The following FAM20C variants were observed in gnomAD, a reference collection of about 807,000 sequenced individuals.
FAM20C encodes extracellular serine/threonine protein kinase FAM20C.
A neutral mutation model predicts 51.5 loss-of-function variants in FAM20C; 40 were observed. The ratio of observed to expected loss-of-function variants is 0.78; its 90% CI spans 0.60 to 1.01. The LOEUF is 1.01. Ranked by LOEUF, FAM20C falls within the 50% of genes least tolerant of loss-of-function variation. FAM20C has a pLI of 0.00. For synonymous variants in FAM20C, 406 were observed against 380.6 expected (o/e 1.07, Z -0.78); for missense variants, 861 against 844.7 (o/e 1.02, Z -0.24).
chr7:218,645 C>T (rs1787112958), intron 3 of FAM20C, among the ~76,000 whole-genome samples: 1 of 152,230 alleles, frequency 6.6e-6, no homozygotes, highest in Non-Finnish European at 1.5e-5. Flanking sequence ...ACCACGTGGC[C>T]CAGCCGAGGA....
intron 5 of FAM20C, among the ~76,000 whole-genome samples, chr7:252,812 G>A (rs1166484461): frequency 6.6e-6 from 1 of 152,232 alleles, no homozygotes; most frequent in East Asian, 1.9e-4. Context: ...GTAGGGGCCG[G>A]GCCGCAGTCA....
At chr7:209,244 T>C (rs1447285407) in intron 3 of FAM20C, among the ~76,000 whole-genome samples, 1 of 152,192 alleles carries the variant, frequency 6.6e-6, no homozygotes, top group African/African-American at 2.4e-5. Context: ...TAAGCATTTG[T>C]ATTTTAAACA....
chr7:227,553 T>G (rs1377946155), intron 3 of FAM20C: 1 of 123,204 alleles, frequency 8.1e-6, no homozygotes. Flanking sequence ...AATCCTGGTT[T>G]AGTAGTTAGT....
At chr7:197,930 C>T (rs751044434) in intron 2 of FAM20C, among the ~76,000 whole-genome samples, 46 of 152,204 alleles carry the variant, frequency 3.0e-4, no homozygotes, top group Non-Finnish European at 6.2e-4. Flanking sequence ...GTCCAGCTGT[C>T]CCGGGGCAGT....
Position 226,305 on chromosome 7 carries a change from C to T in FAM20C, c.863+17329C>T, listed in dbSNP as rs185030586. On this transcript the variant is annotated intron_variant, in intron 3 of 9. Coordinates refer to ENST00000313766, the MANE Select transcript of FAM20C (RefSeq NM_020223.4). Reference sequence around the variant, plus strand: ...AGCTGTCTGAGTCCCTGGAGAAGACCGGCTAGGAGGGGCCCTGGAGGGTCA... The same window carrying T: ...AGCTGTCTGAGTCCCTGGAGAAGACTGGCTAGGAGGGGCCCTGGAGGGTCA... 6.0e-3 allele frequency among the ~76,000 whole-genome samples: 894 copies of T among 150,134 alleles called. 10 individuals are homozygous for T. Among genetic ancestry groups the T allele is most frequent in the African/African-American group, 0.021 (828 of 39,574 alleles).
At chr7:200,338 G>A (rs566142887) in intron 2 of FAM20C, among the ~76,000 whole-genome samples, 1 of 152,352 alleles carries the variant, frequency 6.6e-6, no homozygotes, top group Admixed American at 6.5e-5. Flanking sequence ...TGGCCCCAGG[G>A]CTGGGGGACC....
Position 193,370 on chromosome 7 carries a change from G to A in FAM20C, c.171G>A (p.Ala57=). 7.9e-7 allele frequency: 1 copy of A among 1,267,026 alleles called. No homozygotes were observed. Among genetic ancestry groups the A allele is most frequent in the African/African-American group, 1.6e-5 (1 of 63,222 alleles). 78.5% of individuals were successfully genotyped at this position (1,267,026 alleles called of 1,614,324 possible). A position where few individuals can be genotyped will look rare whatever the true frequency, so the allele number is the denominator to read the frequency against. Residue 57 remains alanine, a synonymous_variant, in exon 1 of 10, where the codon GCG becomes GCA. Coordinates refer to ENST00000313766, the MANE Select transcript of FAM20C (RefSeq NM_020223.4). Reference sequence around the variant, plus strand: ...CGCAGCCCGCCGCCGAGGTGGCCGCGCCCGGCTGGGCCCAGGTTCGGGGCC... The same window carrying A: ...CGCAGCCCGCCGCCGAGGTGGCCGCACCCGGCTGGGCCCAGGTTCGGGGCC... ...SCAQPAAEVA[A]PGWAQVRGRP...
chr7:236,146 G>T (rs1337780748), intron 3 of FAM20C, among the ~76,000 whole-genome samples: 1 of 151,776 alleles, frequency 6.6e-6, no homozygotes, highest in Non-Finnish European at 1.5e-5. Flanking sequence ...CCTTTTTCCC[G>T]GGGGCTGAAT....
chr7:219,119 C>T (rs1329774952), intron 3 of FAM20C, among the ~76,000 whole-genome samples: 1 of 152,168 alleles, frequency 6.6e-6, no homozygotes, highest in East Asian at 1.9e-4. Flanking sequence ...TGTTTGGAGG[C>T]ACGGTTGCCT....
chr7:217,193 C>T (rs905283069), intron 3 of FAM20C, among the ~76,000 whole-genome samples: 2 of 152,150 alleles, frequency 1.3e-5, no homozygotes, highest in East Asian at 1.9e-4. Context: ...GCTGACCCCC[C>T]GAGGCCTGTG....
rs1788747142 is a variant in FAM20C, at chr7:258,711, GCC to G, written c.1505+9_1505+10del. The G allele has an allele frequency of 1.3e-6, 2 of 1,534,414 alleles. No homozygotes were observed. Among genetic ancestry groups the G allele is most frequent in the Non-Finnish European group, 1.7e-6 (2 of 1,145,200 alleles). ...CCGCTACAGCAGTGCTGCAGGTACA[GCC>G]CCTGCCGGAGCCGGCTCCAGCTCCA... On this transcript the variant is annotated splice_region_variant and intron_variant, in intron 9 of 9. Transcript: ENST00000313766.
intron 3 of FAM20C, among the ~76,000 whole-genome samples, chr7:223,928 G>C: frequency 6.6e-6 from 1 of 152,174 alleles, no homozygotes; most frequent in East Asian, 1.9e-4. Context: ...CCCCTGAGGG[G>C]CACCTGGGAC....
At chr7:213,814 C>T (rs978212908) in intron 3 of FAM20C, among the ~76,000 whole-genome samples, 3 of 152,042 alleles carry the variant, frequency 2.0e-5, no homozygotes, top group Non-Finnish European at 2.9e-5. Context: ...TCCACCTCCT[C>T]GTCAGCGTGT....
chr7:245,693 C>T (rs1162310491), intron 3 of FAM20C, among the ~76,000 whole-genome samples: 1 of 152,244 alleles, frequency 6.6e-6, no homozygotes, highest in African/African-American at 2.4e-5. Flanking sequence ...CAAACACTTG[C>T]GTGGACCGGC....
intron 2 of FAM20C, among the ~76,000 whole-genome samples, chr7:208,058 A>G (rs569674197): frequency 3.6e-4 from 55 of 152,308 alleles, no homozygotes; most frequent in Non-Finnish European, 7.2e-4. Context: ...GTCTCCCCAA[A>G]GTCACCCTGC....
intron 3 of FAM20C, among the ~76,000 whole-genome samples, chr7:222,921 T>C (rs1021546463): frequency 2.6e-5 from 4 of 152,058 alleles, no homozygotes; most frequent in African/African-American, 9.7e-5. Context: ...TGTGCATGTG[T>C]GGGTGTGTGT....
At chr7:257,131 C>T (rs1418192124) in intron 8 of FAM20C, 45 bp downstream of exon 8, 2 of 1,519,060 alleles carry the variant, frequency 1.3e-6, no homozygotes, top group Admixed American at 2.0e-5. Flanking sequence ...GGGCCGGCCA[C>T]CTCCCAGCTA....
rs372252299 is a variant in FAM20C, at chr7:196,193, G to A, written c.784+461G>A. ...TCTTGTGGTTTTGAAGCCGTCCTTC[G>A]TCAGACCTCAGCAAGGCGCTGTGCA... is the stretch of plus-strand genomic sequence containing the variant. On this transcript the variant is annotated intron_variant, in intron 2 of 9. Transcript: ENST00000313766. Among the ~76,000 whole-genome samples the A allele has an allele frequency of 1.2e-4, 18 of 152,208 alleles. No homozygotes were observed. In the East Asian group the frequency reaches 2.3e-3, roughly 20 times the overall value.
At chr7:198,748 G>C (rs1340502771) in intron 2 of FAM20C, among the ~76,000 whole-genome samples, 1 of 152,198 alleles carries the variant, frequency 6.6e-6, no homozygotes, top group Non-Finnish European at 1.5e-5. Context: ...CACCTGCTGG[G>C]CAGGGTCTCC....
Sources: allele counts gnomAD v4.1 joint callset (sites outside exome capture counted in the v4.1 genomes callset), GRCh38; gene constraint gnomAD v4.1.1; transcripts MANE v1.5; gene names NCBI Gene and HGNC (gene_info 2026-07-23, HGNC 2026-07-21).